CNOT1: variants seen among roughly 807,000 people sequenced by gnomAD.
The protein encoded by CNOT1 is CCR4-associated factor 1.
In CNOT1, 15 loss-of-function variants were observed where a neutral mutation model predicts 273.8. That is an observed-to-expected ratio of 0.05 (90% CI 0.04 to 0.08). CNOT1 has a LOEUF of 0.08. Ranked by LOEUF, CNOT1 falls within the 10% of genes least tolerant of loss-of-function variation. The probability of loss-of-function intolerance (pLI) is 1.00; values close to 1 mark genes in which losing one functional copy is unlikely to be tolerated. For synonymous variants in CNOT1, 1,022 were observed against 1,005.5 expected (o/e 1.02, Z -0.31); for missense variants, 1,644 against 2,912.2 (o/e 0.56, Z 10.02).
intron 1 of CNOT1, among the ~76,000 whole-genome samples, chr16:58,606,372 C>CAAAACAATAAATA: frequency 1.4e-5 from 2 of 142,934 alleles, no homozygotes; most frequent in African/African-American, 5.3e-5. Flanking sequence ...CTGTGCAATA[C>CAAAACAATAAATA]AGTGAGACCC....
intron 46 of CNOT1, 102 bp downstream of exon 46, chr16:58,525,077 T>A: frequency 1.9e-6 from 2 of 1,066,884 alleles, no homozygotes; most frequent in Non-Finnish European, 2.8e-6. Flanking sequence ...TGACAGAACA[T>A]TCCTTCACTA....
intron 47 of CNOT1, 21 bp downstream of exon 47, chr16:58,523,349 A>G: frequency 7.7e-6 from 12 of 1,560,262 alleles, no homozygotes; most frequent in Non-Finnish European, 1.0e-5. Context: ...GAAGCATTTA[A>G]AAAATAAGCT....
intron 44 of CNOT1, among the ~76,000 whole-genome samples, chr16:58,527,350 G>A (rs1266921989): frequency 4.1e-5 from 6 of 147,884 alleles, no homozygotes; most frequent in African/African-American, 9.9e-5. Flanking sequence ...GTGAAACCCC[G>A]TCACTACTAA....
intron 17 of CNOT1, among the ~76,000 whole-genome samples, chr16:58,559,089 GTTTT>G: frequency 6.6e-6 from 1 of 152,178 alleles, no homozygotes; most frequent in Non-Finnish European, 1.5e-5. Flanking sequence ...ATTTTATACA[GTTTT>G]TTTAAAAGAA....
At chr16:58,581,272 T>C in intron 11 of CNOT1, 73 bp downstream of exon 11, 3 of 1,472,142 alleles carry the variant, frequency 2.0e-6, no homozygotes, top group Non-Finnish European at 2.7e-6. Flanking sequence ...TTTCGATCAA[T>C]GGGTAGATGG....
intron 2 of CNOT1, among the ~76,000 whole-genome samples, chr16:58,593,133 C>T (rs1397939465): frequency 1.3e-5 from 2 of 152,160 alleles, no homozygotes. Context: ...GTTAAGAATA[C>T]ATATTTCGGC....
intron 2 of CNOT1, among the ~76,000 whole-genome samples, chr16:58,593,714 G>A (rs943215596): frequency 6.6e-6 from 1 of 152,092 alleles, no homozygotes; most frequent in African/African-American, 2.4e-5. Context: ...GCAACAGAGT[G>A]AGACTCTGTC....
Position 58,610,428 on chromosome 16 carries a change from G to C in CNOT1, c.-174-10917C>G, listed in dbSNP as rs557635965. ...CTCAATAAAGAAATAAATAGGCCAG[G>C]CGCGGTAGCTCATGCCTGTAATCCC... On this transcript the variant is annotated intron_variant, in intron 1 of 48. Coordinates refer to ENST00000317147, the MANE Select transcript of CNOT1 (RefSeq NM_016284.5). Among the ~76,000 whole-genome samples the C allele has an allele frequency of 1.4e-4, 21 of 151,956 alleles. No homozygotes were observed. In the South Asian group the frequency reaches 4.0e-3, roughly 29 times the overall value.
chr16:58,581,774 G>C (rs1204541259), intron 10 of CNOT1, among the ~76,000 whole-genome samples: 1 of 151,954 alleles, frequency 6.6e-6, no homozygotes, highest in Non-Finnish European at 1.5e-5. Context: ...AGATTCTCGT[G>C]CCTCAGCCTC....
Position 58,556,852 on chromosome 16 carries a change from T to C in CNOT1, c.2474A>G (p.Lys825Arg), listed in dbSNP as rs1186354827. 2.5e-6 allele frequency: 4 copies of C among 1,612,734 alleles called. No individual in the cohort carries two copies. The highest frequency in any genetic ancestry group is 1.1e-5 in the South Asian group (1 of 90,754). The change falls in exon 19 of 49, where the codon AAA becomes AGA. Residue 825 changes from lysine to arginine, a missense_variant. Lys to Arg is a conservative substitution (Grantham distance 26, BLOSUM62 2). Coordinates refer to ENST00000317147, the MANE Select transcript of CNOT1 (RefSeq NM_016284.5). ...CAGACAACACTACCACTTACAAGGT[T>C]TCATCTTACTCTGCTGGAATGTAGG... The part of the protein sequence containing the change: ...NQPTFQQSKM[K>R]PSDLSQVWPE...
intron 16 of CNOT1, among the ~76,000 whole-genome samples, chr16:58,569,909 TA>T (rs2041206558): frequency 1.3e-5 from 2 of 152,058 alleles, no homozygotes; most frequent in South Asian, 2.1e-4. Flanking sequence ...CTAAGTAGAA[TA>T]AACTCAAAGA....
chr16:58,537,846 G>A, intron 38 of CNOT1, 45 bp downstream of exon 38: 1 of 1,607,258 alleles, frequency 6.2e-7, no homozygotes, highest in Non-Finnish European at 8.5e-7. Context: ...AAAGATATTA[G>A]AAGACTACTA....
Position 58,546,659 on chromosome 16 carries a change from A to G in CNOT1, c.3828+13T>C. The G allele has an allele frequency of 6.2e-7, 1 of 1,613,940 alleles. No homozygotes were observed. Among genetic ancestry groups the G allele is most frequent in the East Asian group, 2.2e-5 (1 of 44,856 alleles). Reference sequence around the variant, plus strand: ...CAAAGAATGTTCCAGAGGACAAGGAAGCAGTAAATTACCTTTAAGTCATGC... The same window carrying G: ...CAAAGAATGTTCCAGAGGACAAGGAGGCAGTAAATTACCTTTAAGTCATGC... On this transcript the variant is annotated intron_variant, in intron 28 of 48. Transcript: ENST00000317147.
chr16:58,532,544 G>T, intron 40 of CNOT1, 149 bp from the exon 41 acceptor site: 2 of 1,365,484 alleles, frequency 1.5e-6, no homozygotes, highest in African/African-American at 1.5e-5. Flanking sequence ...GCTGGCAGCC[G>T]ATAGGGTCAT....
In CNOT1 at chr16:58,613,330, C is replaced by CCTACAAGGACTTTGTTTTTAT. The variant is rs1271593879; in HGVS notation, c.-174-13820_-174-13819insATAAAAACAAAGTCCTTGTAG. ...TACAGGCTTGAGTCACCACGCCTGG[C>CCTACAAGGACTTTGTTTTTAT]TTAGAGGTTAAGTCTAAAACAAGCA... On this transcript the variant is annotated intron_variant, in intron 1 of 48. Transcript: ENST00000317147. Among the ~76,000 whole-genome samples, 434 of 133,874 alleles carry CCTACAAGGACTTTGTTTTTAT rather than the reference C, an allele frequency of 3.2e-3. 40 individuals are homozygous for CCTACAAGGACTTTGTTTTTAT. The highest frequency in any genetic ancestry group is 4.1e-3 in the Non-Finnish European group (238 of 57,730). 87.8% of individuals were successfully genotyped at this position (133,874 alleles called of 152,430 possible). A position where few individuals can be genotyped will look rare whatever the true frequency, so the allele number is the denominator to read the frequency against.
chr16:58,621,381 C>T (rs1206107520), intron 1 of CNOT1, among the ~76,000 whole-genome samples: 1 of 152,060 alleles, frequency 6.6e-6, no homozygotes, highest in African/African-American at 2.4e-5. Flanking sequence ...TCCAGCGATT[C>T]TCCTGCCTCA....
At chr16:58,603,761 T>C (rs1213856329) in intron 1 of CNOT1, among the ~76,000 whole-genome samples, 1 of 152,086 alleles carries the variant, frequency 6.6e-6, no homozygotes. Flanking sequence ...TCTCTTTAAG[T>C]CTTTACTCAA....
chr16:58,613,675 AAC>A (rs1433266584), intron 1 of CNOT1, among the ~76,000 whole-genome samples: 1 of 125,164 alleles, frequency 8.0e-6, no homozygotes, highest in East Asian at 1.9e-4. Context: ...AGGGGAAAAA[AAC>A]AGTCACGTAA....
intron 1 of CNOT1, among the ~76,000 whole-genome samples, chr16:58,607,829 A>C (rs2042742622): frequency 6.6e-6 from 1 of 151,630 alleles, no homozygotes; most frequent in African/African-American, 2.4e-5. Context: ...TACATCTTTT[A>C]TTTTTGGTTT....
Sources: gnomAD v4.1 joint callset for allele counts (sites outside exome capture counted in the v4.1 genomes callset) on GRCh38, gnomAD v4.1.1 for gene constraint, MANE v1.5 for transcripts, NCBI Gene and HGNC (gene_info 2026-07-23, HGNC 2026-07-21) for gene names.